TJP3: variants seen among roughly 807,000 people sequenced by gnomAD.
TJP3 encodes the protein tight junction protein ZO-3.
Under a neutral mutation model 104.2 loss-of-function variants are expected in TJP3, and 85 were observed. The ratio of observed to expected loss-of-function variants is 0.82; its 90% CI spans 0.68 to 0.98. The LOEUF (loss-of-function observed/expected upper bound fraction) is 0.98, where lower values mean the gene tolerates loss of function less well. TJP3 is among the 50% of genes least tolerant of loss of function. TJP3 has a pLI of 0.00. For missense variants in TJP3, 1,367 were observed against 1,322.8 expected (o/e 1.03, Z -0.52); for synonymous variants, 550 against 550.6 (o/e 1.00, Z 0.02).
intron 1 of TJP3, among the ~76,000 whole-genome samples, chr19:3,722,091 C>A (rs2036547511): frequency 6.6e-6 from 1 of 152,014 alleles, no homozygotes; most frequent in South Asian, 2.1e-4. Flanking sequence ...TGCGTCCGCG[C>A]GTCCGCGCCC....
chr19:3,743,405 C>T (rs1026857653), intron 14 of TJP3, among the ~76,000 whole-genome samples: 3 of 152,150 alleles, frequency 2.0e-5, no homozygotes, highest in Admixed American at 1.3e-4. Flanking sequence ...TCTGGTAGGC[C>T]AGGTGTCAAC....
At chr19:3,748,212 C>A in intron 19 of TJP3, 131 bp downstream of exon 19, 1 of 1,225,546 alleles carries the variant, frequency 8.2e-7, no homozygotes, top group Non-Finnish European at 1.1e-6. Flanking sequence ...AGACTGGTTT[C>A]TGGGACTCAG....
chr19:3,745,927 G>A, intron 15 of TJP3, 84 bp from the exon 16 acceptor site: 1 of 1,170,972 alleles, frequency 8.5e-7, no homozygotes, highest in Non-Finnish European at 1.2e-6. Context: ...GTGGCTTCTT[G>A]AGCAGGGGAG....
intron 6 of TJP3, among the ~76,000 whole-genome samples, chr19:3,733,311 C>T (rs1568383465): frequency 6.6e-6 from 1 of 152,222 alleles, no homozygotes; most frequent in Non-Finnish European, 1.5e-5. Context: ...GCTGGCATTA[C>T]AGGCGTGAGC....
At chr19:3,718,800 A>G (rs1322002260) in intron 1 of TJP3, among the ~76,000 whole-genome samples, 1 of 152,084 alleles carries the variant, frequency 6.6e-6, no homozygotes, top group Non-Finnish European at 1.5e-5. Flanking sequence ...GCTTTGAGCA[A>G]TGGCAGCCAC....
In TJP3 at chr19:3,731,922, T is replaced by TC. The variant is rs756691710; in HGVS notation, c.614-7dup. The TC allele has an allele frequency of 1.9e-6, 3 of 1,609,104 alleles. No homozygotes were observed. The highest frequency in any genetic ancestry group is 1.1e-5 in the South Asian group (1 of 90,452). ...CAGAGTCCTGCCTCAGTTTCCCTCC[T>TC]CCCCCCTTACAGAGTTTGGCGTCAA... is the stretch of plus-strand genomic sequence containing the variant. On this transcript the variant is annotated splice_polypyrimidine_tract_variant and intron_variant, in intron 5 of 20. Coordinates refer to ENST00000541714, the MANE Select transcript of TJP3 (RefSeq NM_001267560.2).
At chr19:3,745,894 C>G (rs2036880422) in intron 15 of TJP3, 117 bp from the exon 16 acceptor site, 1 of 825,464 alleles carries the variant, frequency 1.2e-6, no homozygotes, top group Non-Finnish European at 1.9e-6. Flanking sequence ...TAGGATTTCT[C>G]TCCAGGGCAA....
chr19:3,744,387 C>G (rs1444888870), intron 15 of TJP3, among the ~76,000 whole-genome samples: 1 of 152,110 alleles, frequency 6.6e-6, no homozygotes, highest in Non-Finnish European at 1.5e-5. Context: ...AAACAATGGC[C>G]GGGTGCGGTG....
intron 3 of TJP3, among the ~76,000 whole-genome samples, chr19:3,728,946 G>A (rs990330806): frequency 2.0e-5 from 3 of 152,160 alleles, no homozygotes; most frequent in Non-Finnish European, 2.9e-5. Flanking sequence ...CCAGCTACTC[G>A]GGAGGCTGAG....
chr19:3,730,652 G>T lies in TJP3; in HGVS notation c.559G>T (p.Asp187Tyr), dbSNP rs752233599. The change falls in exon 5 of 21, where the codon GAC becomes TAC. Residue 187 changes from aspartate to tyrosine, a missense_variant. By Grantham distance (160) the Asp-to-Tyr change is radical. Transcript: ENST00000541714. The surrounding 1 kb of genome is among the most constrained non-coding windows in gnomAD (Gnocchi z 7.3). ...CGGCTTTAAGCGGCTGCCACGGCAG[G>T]ACGTGCAGATGAAGCCTGTGAAGTC... ...VSGFKRLPRQ[D>Y]VQMKPVKSVL... is the part of the protein sequence containing the mutation. The T allele has an allele frequency of 1.9e-6, 3 of 1,611,550 alleles. No individual in the cohort carries two copies. Among genetic ancestry groups the T allele is most frequent in the Non-Finnish European group, 2.5e-6 (3 of 1,179,986 alleles).
Position 3,730,381 on chromosome 19 carries a change from C to G in TJP3, c.288C>G (p.His96Gln). 6.5e-7 allele frequency: 1 copy of G among 1,548,966 alleles called. No individual in the cohort carries two copies. Among genetic ancestry groups the G allele is most frequent in the Non-Finnish European group, 8.7e-7 (1 of 1,149,886 alleles). ...NITVKRPRRI[H>Q]LPATKASPSS... is the part of the protein sequence containing the mutation. ...CAGTGAAACGTCCCCGGAGGATCCA[C>G]CTGCCCGCCACCAAAGCCAGCCCCT... Residue 96 changes from histidine to glutamine, a missense_variant, in exon 5 of 21, where the codon CAC (histidine) becomes CAG (glutamine). Physicochemically the swap from His to Gln is conservative, Grantham distance 24. Transcript: ENST00000541714. The surrounding 1 kb of genome is among the most constrained non-coding windows in gnomAD (Gnocchi z 7.3).
rs553334527 is a variant in TJP3 at position 3,713,536 on chromosome 19, C to T, written c.-10+4975C>T. Reference sequence around the variant, plus strand: ...ATGGGGCCCTGGGGCGGCAAAGGGCCTGCGGAGAGACGTGAATAAAGTGTG... The same window carrying T: ...ATGGGGCCCTGGGGCGGCAAAGGGCTTGCGGAGAGACGTGAATAAAGTGTG... On this transcript the variant is annotated intron_variant, in intron 1 of 20. Transcript: ENST00000541714. Among the ~76,000 whole-genome samples the T allele has an allele frequency of 1.9e-4, 29 of 152,264 alleles. No homozygotes were observed. The South Asian group carries it at 4.8e-3, about 25-fold the overall frequency.
Position 3,747,935 on chromosome 19 carries a change from T to A in TJP3, c.2464T>A (p.Tyr822Asn), listed in dbSNP as rs754144840. 20 of 1,612,936 alleles carry A rather than the reference T, an allele frequency of 1.2e-5. No individual in the cohort carries two copies. In the South Asian group the frequency reaches 2.0e-4, roughly 16 times the overall value. Residue 822 changes from tyrosine (Y) to asparagine (N), a missense_variant, in exon 19 of 21, where the codon TAC (tyrosine) becomes AAC (asparagine). Physicochemically the swap from Tyr to Asn is moderately radical, Grantham distance 143 (BLOSUM62 -2). Transcript: ENST00000541714. Reference protein sequence around the residue: ...EGGAYTDGEGYTDGEGGPYTD... With the variant: ...EGGAYTDGEGNTDGEGGPYTD... ...CGGCGCGTACACGGATGGCGAGGGCTACACAGACGGCGAGGGGGGGCCCTA... is the reference window on the plus strand; with the variant it reads ...CGGCGCGTACACGGATGGCGAGGGCAACACAGACGGCGAGGGGGGGCCCTA...
intron 1 of TJP3, among the ~76,000 whole-genome samples, chr19:3,710,386 C>A (rs999898017): frequency 1.3e-5 from 2 of 152,082 alleles, no homozygotes; most frequent in Admixed American, 1.3e-4. Context: ...AAATGTCAGG[C>A]GGCCAAGAGT....
chr19:3,732,749 T>TC (rs1337691692), intron 6 of TJP3, among the ~76,000 whole-genome samples: 10 of 152,138 alleles, frequency 6.6e-5, no homozygotes, highest in African/African-American at 1.9e-4. Flanking sequence ...CCTCAGGTGA[T>TC]CCCCCCCGCT....
intron 6 of TJP3, among the ~76,000 whole-genome samples, chr19:3,733,039 CT>C (rs1441684722): frequency 6.6e-6 from 1 of 150,912 alleles, no homozygotes; most frequent in African/African-American, 2.4e-5. Context: ...TTTTTCTTTT[CT>C]TTTCTTTCTT....
intron 1 of TJP3, among the ~76,000 whole-genome samples, chr19:3,719,821 C>T (rs2036526253): frequency 6.6e-6 from 1 of 151,712 alleles, no homozygotes; most frequent in African/African-American, 2.4e-5. Flanking sequence ...ACAATTCTTG[C>T]TTCGGTCGGA....
At chr19:3,740,787 C>G (rs2036805705) in intron 14 of TJP3, 24 bp downstream of exon 14, 1 of 1,516,422 alleles carries the variant, frequency 6.6e-7, no homozygotes. Context: ...CTGGAGGGGC[C>G]CTGGGGAGGC....
chr19:3,719,685 G>A (rs960431027), intron 1 of TJP3, among the ~76,000 whole-genome samples: 1 of 144,570 alleles, frequency 6.9e-6, no homozygotes, highest in Non-Finnish European at 1.5e-5. Flanking sequence ...GCAGTGAGCC[G>A]AGATCGTGCC....
Sources: allele counts gnomAD v4.1 joint callset (sites outside exome capture counted in the v4.1 genomes callset), GRCh38; gene constraint gnomAD v4.1.1; non-coding constraint Gnocchi (gnomAD v3.1); transcripts MANE v1.5; gene names NCBI Gene and HGNC (gene_info 2026-07-23, HGNC 2026-07-21).